The following PCDHGA1 variants were observed in gnomAD, a reference collection of about 807,000 sequenced individuals.
The protein encoded by PCDHGA1 is protocadherin gamma subfamily A, 1.
PCDHGA1 carries 32 observed loss-of-function variants against 58.0 expected under a neutral mutation model. The observed-to-expected ratio is 0.55, with a 90% CI of 0.42 to 0.74. The LOEUF (loss-of-function observed/expected upper bound fraction) is 0.74. PCDHGA1 is among the 30% of genes least tolerant of loss of function. PCDHGA1 has a pLI of 0.00. For synonymous variants in PCDHGA1, 498 were observed against 501.1 expected, an observed-to-expected ratio of 0.99 and a Z score of 0.08; for missense variants, 1,205 against 1,182.3, an observed-to-expected ratio of 1.02 and a Z score of -0.28.
chr5:141,404,594 T>C (rs778412256), intron 1 of PCDHGA1: 6 of 1,614,050 alleles, frequency 3.7e-6, no homozygotes, highest in South Asian at 1.1e-5. Flanking sequence ...CAATGTGTCA[T>C]TGAGACTGTT....
chr5:141,407,471 A>G (rs1343289603), intron 1 of PCDHGA1, among the ~76,000 whole-genome samples: 1 of 146,104 alleles, frequency 6.8e-6, no homozygotes, highest in African/African-American at 2.5e-5. Context: ...AGATGACTGA[A>G]TGGAGTATGG....
chr5:141,365,347 C>T (rs762446364), intron 1 of PCDHGA1: 10 of 1,613,828 alleles, frequency 6.2e-6, no homozygotes, highest in East Asian at 2.2e-5. Context: ...CAGTACAGGA[C>T]GTGAATGACA....
intron 1 of PCDHGA1, chr5:141,384,966 C>A: frequency 6.2e-7 from 1 of 1,614,142 alleles, no homozygotes; most frequent in South Asian, 1.1e-5. Flanking sequence ...ACTATGACCT[C>A]ACGTTGTACC....
chr5:141,399,494 G>A, intron 1 of PCDHGA1: 1 of 1,614,032 alleles, frequency 6.2e-7, no homozygotes, highest in Non-Finnish European at 8.5e-7. Flanking sequence ...TACTTAGTCA[G>A]TGTACCCGAA....
chr5:141,376,195 C>G, intron 1 of PCDHGA1: 1 of 1,614,172 alleles, frequency 6.2e-7, no homozygotes, highest in South Asian at 1.1e-5. Context: ...CCTGCGTCTT[C>G]CTGGCCTTCG....
chr5:141,351,086 T>C (rs1440680025), intron 1 of PCDHGA1: 4 of 1,613,922 alleles, frequency 2.5e-6, no homozygotes, highest in African/African-American at 2.7e-5. Context: ...AGAGATCACC[T>C]ATGCCTTCCT....
At chr5:141,341,460 C>T (rs777325888) in intron 1 of PCDHGA1, 3 of 1,602,750 alleles carry the variant, frequency 1.9e-6, no homozygotes, top group Non-Finnish European at 1.7e-6. Flanking sequence ...TACTTGTTTA[C>T]TATATCTATT....
In PCDHGA1 at chr5:141,432,143, C is replaced by G; in HGVS notation, c.2422-62664C>G. 2 of 1,614,084 alleles carry G rather than the reference C, an allele frequency of 1.2e-6. No homozygotes were observed. Among genetic ancestry groups the G allele is most frequent in the Non-Finnish European group, 1.7e-6 (2 of 1,180,006 alleles). Reference sequence around the variant, plus strand: ...TCAGGCCTCCTATTCCGCTTATATCCCAGAGAACAATCCCAGAGGAGTTTC... The same window carrying G: ...TCAGGCCTCCTATTCCGCTTATATCGCAGAGAACAATCCCAGAGGAGTTTC... On this transcript the variant is annotated intron_variant, in intron 1 of 3. Coordinates refer to ENST00000517417, the MANE Select transcript of PCDHGA1 (RefSeq NM_018912.3). This position sits in a 1 kb window ranked among gnomAD's most constrained non-coding sequence, Gnocchi z 6.0.
chr5:141,486,346 C>G lies in PCDHGA1; in HGVS notation c.2422-8461C>G. 1 of 1,614,120 alleles carries G rather than the reference C, an allele frequency of 6.2e-7. No individual in the cohort carries two copies. Among genetic ancestry groups the G allele is most frequent in the East Asian group, 2.2e-5 (1 of 44,874 alleles). ...GAGATGTGAGCCTCCGCATTCCTGA[C>G]CACTTGCCATTTGCCCTCAAGTCTG... On this transcript the variant is annotated intron_variant, in intron 1 of 3. Coordinates refer to ENST00000517417, the MANE Select transcript of PCDHGA1 (RefSeq NM_018912.3). This position sits in a 1 kb window ranked among gnomAD's most constrained non-coding sequence, Gnocchi z 5.0.
intron 3 of PCDHGA1, among the ~76,000 whole-genome samples, chr5:141,510,266 C>T (rs1202092142): frequency 7.0e-6 from 1 of 143,198 alleles, no homozygotes; most frequent in Non-Finnish European, 1.5e-5. Flanking sequence ...GAGCAGGACT[C>T]CATCTTAAAA....
chr5:141,346,794 A>G (rs751972138), intron 1 of PCDHGA1, among the ~76,000 whole-genome samples: 2 of 152,214 alleles, frequency 1.3e-5, no homozygotes, highest in Non-Finnish European at 2.9e-5. Context: ...CTATGATGAG[A>G]GAAACACAAC....
intron 1 of PCDHGA1, chr5:141,419,302 C>A: frequency 6.2e-7 from 1 of 1,614,024 alleles, no homozygotes; most frequent in Non-Finnish European, 8.5e-7. Flanking sequence ...ACCCAGACTT[C>A]GGGCTCAACG....
At chr5:141,382,161 G>A (rs539029748) in intron 1 of PCDHGA1, among the ~76,000 whole-genome samples, 2 of 151,904 alleles carry the variant, frequency 1.3e-5, no homozygotes, top group Admixed American at 6.6e-5. Flanking sequence ...TAAAATGAAG[G>A]TGTTAGACCG....
intron 1 of PCDHGA1, among the ~76,000 whole-genome samples, chr5:141,402,165 T>A (rs1200714000): frequency 6.6e-6 from 1 of 152,164 alleles, no homozygotes; most frequent in Non-Finnish European, 1.5e-5. Context: ...GGCGAGAACA[T>A]CTGTAACTAT....
intron 1 of PCDHGA1, among the ~76,000 whole-genome samples, chr5:141,469,490 G>A (rs1346871954): frequency 3.3e-5 from 5 of 152,146 alleles, no homozygotes; most frequent in East Asian, 3.9e-4. Context: ...CAGGAGAATC[G>A]CTTGAACCCG....
At position 141,491,466 on chromosome 5, in the gene PCDHGA1, T is replaced by C; in HGVS notation, c.2422-3341T>C. The C allele has an allele frequency of 6.2e-7, 1 of 1,614,068 alleles. No homozygotes were observed. The highest frequency in any genetic ancestry group is 8.5e-7 in the Non-Finnish European group (1 of 1,179,986). ...AGGACTCACCCTCCCCGGACTTCTA[T>C]AAGCAGTCCAGCCCCAACCTGCAGG... On this transcript the variant is annotated intron_variant, in intron 1 of 3. Transcript: ENST00000517417. The surrounding 1 kb of genome is among the most constrained non-coding windows in gnomAD (Gnocchi z 6.9).
intron 1 of PCDHGA1, chr5:141,352,085 G>A (rs774653294): frequency 6.2e-7 from 1 of 1,604,862 alleles, no homozygotes; most frequent in Non-Finnish European, 8.5e-7. Context: ...GCAGGCCAGC[G>A]AGCCCGGGCT....
rs149920059 is a variant in PCDHGA1 at position 141,409,848 on chromosome 5, G to A, written c.2421+76743G>A. 8,006 of 1,612,024 alleles carry A rather than the reference G, an allele frequency of 5.0e-3. 45 individuals are homozygous for A. The highest frequency in any genetic ancestry group is 9.5e-3 in the Admixed American group (567 of 59,794). On this transcript the variant is annotated intron_variant, in intron 1 of 3. Transcript: ENST00000517417. ...ACGCTCAGCGCCAACGTGAGCCTGC[G>A]CGTGTTGGTGGGAGACCGCAATGAC... is the stretch of plus-strand genomic sequence containing the variant.
intron 1 of PCDHGA1, chr5:141,395,373 G>C: frequency 8.4e-7 from 1 of 1,189,414 alleles, no homozygotes; most frequent in Non-Finnish European, 1.1e-6. Context: ...TATTTTGGTG[G>C]TGTTACTATA....
Sources: gnomAD v4.1 joint callset for allele counts (sites outside exome capture counted in the v4.1 genomes callset) on GRCh38, gnomAD v4.1.1 for gene constraint, Gnocchi (gnomAD v3.1) non-coding constraint, MANE v1.5 for transcripts, NCBI Gene and HGNC (gene_info 2026-07-23, HGNC 2026-07-21) for gene names.